SPAG16: variants seen among roughly 807,000 people sequenced by gnomAD.
The protein encoded by SPAG16 is sperm associated antigen 16.
A neutral mutation model predicts 80.4 loss-of-function variants in SPAG16; 86 were observed. That is an observed-to-expected ratio of 1.07 (90% CI 0.90 to 1.28). SPAG16 has a LOEUF of 1.28. Ranked by LOEUF, SPAG16 falls within the 50% of genes most tolerant of loss-of-function variation. The pLI is 0.00. For missense variants in SPAG16, 870 were observed against 765.3 expected, an observed-to-expected ratio of 1.14 and a Z score of -1.61; for synonymous variants, 294 against 265.9, an observed-to-expected ratio of 1.11 and a Z score of -1.03.
intron 11 of SPAG16, among the ~76,000 whole-genome samples, chr2:213,902,665 C>T (rs1257105213): frequency 6.6e-6 from 1 of 152,154 alleles, no homozygotes; most frequent in Non-Finnish European, 1.5e-5. Flanking sequence ...ACCCCTGGCT[C>T]CTCCAAATCT....
intron 15 of SPAG16, among the ~76,000 whole-genome samples, chr2:214,319,224 A>ACACACACACACACACACAC (rs1553554490): frequency 3.3e-5 from 5 of 150,994 alleles, no homozygotes; most frequent in Admixed American, 6.6e-5. Context: ...ACACACACAC[A>ACACACACACACACACACAC]AGAAGTGTAG....
intron 12 of SPAG16, among the ~76,000 whole-genome samples, chr2:213,981,594 T>A (rs766374182): frequency 6.6e-6 from 1 of 152,072 alleles, no homozygotes; most frequent in Non-Finnish European, 1.5e-5. Flanking sequence ...TTAATAGCAA[T>A]GGAAGAAAAT....
chr2:213,643,379 TATATATATATATA>T (rs2062690125), intron 10 of SPAG16, among the ~76,000 whole-genome samples: 2 of 68,930 alleles, frequency 2.9e-5, no homozygotes, highest in Admixed American at 1.4e-4. Context: ...TATATATATA[TATATATATATATA>T]TATATATATA....
chr2:213,327,970 C>T (rs73987977), intron 5 of SPAG16, among the ~76,000 whole-genome samples: 3,073 of 152,120 alleles, frequency 0.02, 95 homozygotes, highest in African/African-American at 0.069. Context: ...TAATTGAATA[C>T]GCTTTGAAGC....
At chr2:213,347,371 G>A (rs549837046) in intron 6 of SPAG16, among the ~76,000 whole-genome samples, 3 of 151,962 alleles carry the variant, frequency 2.0e-5, no homozygotes, top group Non-Finnish European at 2.9e-5. Context: ...AGGGTTTTTT[G>A]TGTCTCTATT....
At chr2:213,619,487 A>G (rs2061701691) in intron 10 of SPAG16, among the ~76,000 whole-genome samples, 1 of 152,168 alleles carries the variant, frequency 6.6e-6, no homozygotes, top group Admixed American at 6.5e-5. Flanking sequence ...CAAATTATTC[A>G]ACTAAAAAAC....
chr2:214,256,668 A>G (rs1690707550), intron 15 of SPAG16, among the ~76,000 whole-genome samples: 1 of 151,966 alleles, frequency 6.6e-6, no homozygotes, highest in African/African-American at 2.4e-5. Context: ...AAGAACAACA[A>G]CAAACCCTTA....
intron 13 of SPAG16, among the ~76,000 whole-genome samples, chr2:214,031,427 G>T (rs1245005139): frequency 4.6e-5 from 5 of 108,672 alleles, no homozygotes; most frequent in Admixed American, 2.0e-4. Context: ...ATCACACTCT[G>T]GGGACTGTTG....
intron 10 of SPAG16, among the ~76,000 whole-genome samples, chr2:213,774,287 G>A (rs1407746546): frequency 6.6e-6 from 1 of 152,158 alleles, no homozygotes; most frequent in East Asian, 1.9e-4. Context: ...TTAAAATCAA[G>A]GTGTTGACAG....
chr2:214,329,372 G>A (rs905568688), intron 15 of SPAG16, among the ~76,000 whole-genome samples: 1 of 152,176 alleles, frequency 6.6e-6, no homozygotes, highest in Admixed American at 6.5e-5. Flanking sequence ...TGGCAAATCA[G>A]TTTAACCTTC....
intron 5 of SPAG16, among the ~76,000 whole-genome samples, chr2:213,322,045 C>T (rs1226181408): frequency 6.7e-6 from 1 of 150,316 alleles, no homozygotes; most frequent in Non-Finnish European, 1.5e-5. Context: ...GCACTTTGTG[C>T]ACATGTACCC....
At chr2:213,389,897 G>T (rs1157761726) in intron 9 of SPAG16, among the ~76,000 whole-genome samples, 2 of 152,090 alleles carry the variant, frequency 1.3e-5, no homozygotes, top group African/African-American at 2.4e-5. Context: ...ATACACAAAA[G>T]AATTGAAAGC....
chr2:213,683,592 T>C (rs980294080), intron 10 of SPAG16, among the ~76,000 whole-genome samples: 1 of 152,116 alleles, frequency 6.6e-6, no homozygotes, highest in Non-Finnish European at 1.5e-5. Context: ...AACTATGTGA[T>C]TTGTTGAAAT....
chr2:214,125,866 G>T (rs1176724419), intron 14 of SPAG16, among the ~76,000 whole-genome samples: 1 of 151,476 alleles, frequency 6.6e-6, no homozygotes, highest in African/African-American at 2.4e-5. Flanking sequence ...GGGGAAAATT[G>T]TCTATTTTGA....
intron 8 of SPAG16, among the ~76,000 whole-genome samples, chr2:213,372,079 A>C (rs1484695440): frequency 6.6e-6 from 1 of 152,152 alleles, no homozygotes; most frequent in Non-Finnish European, 1.5e-5. Context: ...GAATATTTAC[A>C]TGACACTATA....
intron 10 of SPAG16, among the ~76,000 whole-genome samples, chr2:213,555,223 A>G (rs945290101): frequency 6.6e-6 from 1 of 152,208 alleles, no homozygotes; most frequent in African/African-American, 2.4e-5. Context: ...CCAACCAAAA[A>G]TAAGTTTTAT....
chr2:213,366,891 A>C (rs1008757468), intron 8 of SPAG16, among the ~76,000 whole-genome samples: 2 of 151,972 alleles, frequency 1.3e-5, no homozygotes, highest in Non-Finnish European at 2.9e-5. Flanking sequence ...GCACCCATTA[A>C]CTCATCATTT....
intron 9 of SPAG16, among the ~76,000 whole-genome samples, chr2:213,411,938 C>A (rs1280194502): frequency 6.6e-6 from 1 of 151,764 alleles, no homozygotes; most frequent in African/African-American, 2.4e-5. Context: ...ATAAAGAATA[C>A]AAGGGGAAGG....
intron 12 of SPAG16, among the ~76,000 whole-genome samples, chr2:213,999,392 C>A (rs1467666851): frequency 6.6e-6 from 1 of 152,166 alleles, no homozygotes; most frequent in East Asian, 1.9e-4. Context: ...TACAAGTAAA[C>A]AGAAGTCAAG....
Sources: allele counts gnomAD v4.1 joint callset (sites outside exome capture counted in the v4.1 genomes callset), GRCh38; gene constraint gnomAD v4.1.1; transcripts MANE v1.5; gene names NCBI Gene and HGNC (gene_info 2026-07-23, HGNC 2026-07-21).